The following UGGT2 variants were observed in gnomAD, a reference collection of about 807,000 sequenced individuals.
UGGT2 encodes UDP-glucose glycoprotein glucosyltransferase 2, also known as UDP-glucose:glycoprotein glucosyltransferase 2.
UGGT2 carries 180 observed loss-of-function variants against 192.1 expected under a neutral mutation model. That is an observed-to-expected ratio of 0.94 (90% CI 0.83 to 1.06). The LOEUF is 1.06. Among genes scored for constraint, UGGT2 ranks in the 50% least tolerant of loss-of-function variants. The pLI, the probability that UGGT2 is intolerant of heterozygous loss-of-function variation, is 0.00. For synonymous variants in UGGT2, 580 were observed against 591.0 expected, an observed-to-expected ratio of 0.98 and a Z score of 0.27; for missense variants, 1,849 against 1,795.7, an observed-to-expected ratio of 1.03 and a Z score of -0.54.
At chr13:95,915,572 A>G (rs2048656424) in intron 20 of UGGT2, among the ~76,000 whole-genome samples, 1 of 152,270 alleles carries the variant, frequency 6.6e-6, no homozygotes, top group South Asian at 2.1e-4. Context: ...TGCAAAAAAT[A>G]CACTTATCCC....
intron 37 of UGGT2, 109 bp downstream of exon 37, chr13:95,836,977 A>C (rs1887354767): frequency 1.1e-6 from 1 of 895,962 alleles, no homozygotes; most frequent in African/African-American, 1.7e-5. Context: ...TGAACAGCAG[A>C]AGAAGCGAAG....
chr13:95,944,994 T>C (rs757348830), intron 15 of UGGT2, among the ~76,000 whole-genome samples: 25 of 151,972 alleles, frequency 1.6e-4, no homozygotes, highest in Admixed American at 2.0e-4. Context: ...TAGTACTTTT[T>C]CTTAAAGTTT....
intron 38 of UGGT2, among the ~76,000 whole-genome samples, chr13:95,810,346 G>A (rs952725629): frequency 2.0e-5 from 3 of 152,224 alleles, no homozygotes; most frequent in Admixed American, 6.5e-5. Flanking sequence ...AGGTGGCTAC[G>A]ATATTATTAC....
intron 5 of UGGT2, among the ~76,000 whole-genome samples, chr13:96,003,346 C>T (rs945516813): frequency 5.3e-5 from 8 of 152,124 alleles, no homozygotes; most frequent in African/African-American, 9.7e-5. Context: ...TCTTCTATCA[C>T]CAGTACTAAG....
chr13:95,987,524 C>T (rs1410143726), intron 8 of UGGT2, among the ~76,000 whole-genome samples: 1 of 151,984 alleles, frequency 6.6e-6, no homozygotes, highest in Admixed American at 6.6e-5. Flanking sequence ...CATAATTATA[C>T]TTTTTAAAAA....
chr13:95,848,427 G>A (rs1184781186), intron 36 of UGGT2, among the ~76,000 whole-genome samples: 1 of 152,082 alleles, frequency 6.6e-6, no homozygotes, highest in Non-Finnish European at 1.5e-5. Context: ...TTTGCATTTT[G>A]TGTTTTACAT....
At chr13:95,804,780 T>C (rs1490918779) in intron 38 of UGGT2, among the ~76,000 whole-genome samples, 1 of 152,106 alleles carries the variant, frequency 6.6e-6, no homozygotes, top group Non-Finnish European at 1.5e-5. Flanking sequence ...ACATGACATA[T>C]GAAAATTAAC....
chr13:95,961,212 G>A (rs1462204756), intron 12 of UGGT2, among the ~76,000 whole-genome samples: 1 of 151,940 alleles, frequency 6.6e-6, no homozygotes, highest in Non-Finnish European at 1.5e-5. Context: ...AAAATAAACA[G>A]AAATCAACTA....
chr13:95,875,966 T>C (rs930761845), intron 29 of UGGT2, among the ~76,000 whole-genome samples: 4 of 152,220 alleles, frequency 2.6e-5, no homozygotes, highest in African/African-American at 9.6e-5. Flanking sequence ...AAAGACTTTA[T>C]CAAGAGTTGG....
At chr13:95,998,875 G>C (rs1487477018) in intron 6 of UGGT2, among the ~76,000 whole-genome samples, 1 of 151,954 alleles carries the variant, frequency 6.6e-6, no homozygotes, top group African/African-American at 2.4e-5. Flanking sequence ...GCCTATGCCA[G>C]TCACCTCTAG....
At chr13:95,803,554 C>T (rs1884166287) in intron 38 of UGGT2, among the ~76,000 whole-genome samples, 1 of 152,150 alleles carries the variant, frequency 6.6e-6, no homozygotes, top group African/African-American at 2.4e-5. Flanking sequence ...TTCACCGTGC[C>T]CGGCCGAAAA....
chr13:95,953,528 A>G (rs2140645230), intron 12 of UGGT2, among the ~76,000 whole-genome samples: 1 of 152,338 alleles, frequency 6.6e-6, no homozygotes, highest in South Asian at 2.1e-4. Context: ...AGATCATATA[A>G]TGGAAAAGGA....
chr13:96,006,702 A>G (rs1419030342), intron 5 of UGGT2, among the ~76,000 whole-genome samples: 3 of 151,920 alleles, frequency 2.0e-5, no homozygotes, highest in Non-Finnish European at 4.4e-5. Context: ...TGAATTTAAG[A>G]AGAAAATGTA....
At position 96,013,486 on chromosome 13, in the gene UGGT2, G is replaced by T; in HGVS notation, c.486-5C>A. On this transcript the variant is annotated splice_polypyrimidine_tract_variant and splice_region_variant and intron_variant, in intron 4 of 38. Coordinates refer to ENST00000376747, the MANE Select transcript of UGGT2 (RefSeq NM_020121.4). ...TTAAATAGATAAGGTCTAGTCCTAA[G>T]ATAAAAGCAAAACACAAAGTTTTGA... 5 of 1,489,658 alleles carry T rather than the reference G, an allele frequency of 3.4e-6. No individual in the cohort carries two copies. The highest frequency in any genetic ancestry group is 4.5e-6 in the Non-Finnish European group (5 of 1,120,796). The allele number at this position is 1,489,658 out of a possible 1,614,324, so 92.3% of individuals were successfully genotyped here.
intron 29 of UGGT2, among the ~76,000 whole-genome samples, chr13:95,867,825 A>C (rs1890814425): frequency 6.6e-6 from 1 of 152,188 alleles, no homozygotes; most frequent in African/African-American, 2.4e-5. Context: ...GTTCTACACT[A>C]TCCAACTTTT....
intron 8 of UGGT2, 105 bp downstream of exon 8, chr13:95,989,868 A>T: frequency 1.5e-6 from 1 of 681,626 alleles, no homozygotes; most frequent in Non-Finnish European, 2.3e-6. Flanking sequence ...ACTAGTCATT[A>T]ATACTGTCCA....
intron 10 of UGGT2, chr13:95,983,571 A>G: frequency 1.7e-6 from 1 of 597,250 alleles, no homozygotes; most frequent in Admixed American, 2.0e-5. Flanking sequence ...AAACCATACT[A>G]CCTCGGAAGA....
chr13:95,958,155 A>T (rs1036936256), intron 12 of UGGT2, among the ~76,000 whole-genome samples: 1 of 145,692 alleles, frequency 6.9e-6, no homozygotes, highest in Non-Finnish European at 1.5e-5. Context: ...AGAAGGCAGA[A>T]TTTTTTTTTT....
intron 2 of UGGT2, among the ~76,000 whole-genome samples, chr13:96,024,050 T>TTA (rs748872705): frequency 1.3e-5 from 2 of 152,138 alleles, no homozygotes; most frequent in African/African-American, 2.4e-5. Flanking sequence ...AGTTGTGGGG[T>TTA]TATATTACAA....
Sources: gnomAD v4.1 joint callset for allele counts (sites outside exome capture counted in the v4.1 genomes callset) on GRCh38, gnomAD v4.1.1 for gene constraint, MANE v1.5 for transcripts, NCBI Gene and HGNC (gene_info 2026-07-23, HGNC 2026-07-21) for gene names.